Variants in PDSS2 observed in about 807,000 individuals in gnomAD.
PDSS2 encodes all trans-polyprenyl-diphosphate synthase PDSS2.
PDSS2 carries 31 observed loss-of-function variants against 44.5 expected under a neutral mutation model. The ratio of observed to expected loss-of-function variants is 0.70; its 90% CI spans 0.52 to 0.94. PDSS2 has a LOEUF of 0.94. Among genes scored for constraint, PDSS2 ranks in the 40% least tolerant of loss-of-function variants. The pLI, the probability that PDSS2 is intolerant of heterozygous loss-of-function variation, is 0.00. For synonymous variants in PDSS2, 157 were observed against 180.3 expected (o/e 0.87, Z 1.03); for missense variants, 452 against 482.2 (o/e 0.94, Z 0.59).
At chr6:107,437,002 T>C (rs1349060469) in intron 1 of PDSS2, among the ~76,000 whole-genome samples, 1 of 152,108 alleles carries the variant, frequency 6.6e-6, no homozygotes, top group Non-Finnish European at 1.5e-5. Context: ...TGGGTTTTTT[T>C]TTTCTTTCTT....
chr6:107,215,736 A>C, intron 4 of PDSS2, among the ~76,000 whole-genome samples: 1 of 152,346 alleles, frequency 6.6e-6, no homozygotes. Flanking sequence ...TTTATTATTA[A>C]CATAATAAAT....
intron 2 of PDSS2, among the ~76,000 whole-genome samples, chr6:107,325,510 A>C (rs1338617003): frequency 2.0e-5 from 3 of 152,222 alleles, no homozygotes; most frequent in Non-Finnish European, 4.4e-5. Context: ...AATTTTAAAA[A>C]GCTAATCTAA....
At chr6:107,220,552 G>T (rs973796634) in intron 4 of PDSS2, among the ~76,000 whole-genome samples, 2 of 150,736 alleles carry the variant, frequency 1.3e-5, no homozygotes, top group Admixed American at 6.7e-5. Flanking sequence ...AGAATGTATA[G>T]ATAATTCTAT....
chr6:107,391,244 T>C (rs1478525833), intron 1 of PDSS2, among the ~76,000 whole-genome samples: 1 of 152,090 alleles, frequency 6.6e-6, no homozygotes, highest in Non-Finnish European at 1.5e-5. Context: ...CAACACTGTA[T>C]CTACAGCTCA....
chr6:107,221,168 C>A (rs2114679407), intron 4 of PDSS2, among the ~76,000 whole-genome samples: 1 of 152,036 alleles, frequency 6.6e-6, no homozygotes, highest in Non-Finnish European at 1.5e-5. Flanking sequence ...CGGTGAAACC[C>A]CGTCTCTACC....
At chr6:107,199,292 T>C (rs1170031391) in intron 6 of PDSS2, among the ~76,000 whole-genome samples, 1 of 152,200 alleles carries the variant, frequency 6.6e-6, no homozygotes, top group Non-Finnish European at 1.5e-5. Context: ...GTATTGTGAT[T>C]GACTGACTGT....
chr6:107,345,797 C>T (rs888021837), intron 1 of PDSS2, among the ~76,000 whole-genome samples: 4 of 152,066 alleles, frequency 2.6e-5, no homozygotes, highest in Non-Finnish European at 4.4e-5. Context: ...AGGAAAATCT[C>T]GTTTATTTTT....
intron 2 of PDSS2, among the ~76,000 whole-genome samples, chr6:107,286,345 TA>T (rs544836685): frequency 3.3e-5 from 5 of 149,432 alleles, no homozygotes; most frequent in Admixed American, 1.3e-4. Context: ...CCACCTCTAC[TA>T]AAAAAATACA....
intron 2 of PDSS2, among the ~76,000 whole-genome samples, chr6:107,331,123 A>G (rs1582950502): frequency 6.6e-6 from 1 of 152,200 alleles, no homozygotes; most frequent in East Asian, 1.9e-4. Flanking sequence ...ACTTCCCTCA[A>G]ATGTTAAATA....
rs560809100 is a variant in PDSS2, at chr6:107,344,652, G to A, written c.297-10320C>T. ...GCCTGGAAGGAAAGGAAGGAAGAGAGAAGAGAAAGTAGAATGGGGGTAGGG... is the reference window on the plus strand; with the variant it reads ...GCCTGGAAGGAAAGGAAGGAAGAGAAAAGAGAAAGTAGAATGGGGGTAGGG... On this transcript the variant is annotated intron_variant, in intron 1 of 7. Transcript: ENST00000369037. Among the ~76,000 whole-genome samples, 7 of 152,304 alleles carry A rather than the reference G, an allele frequency of 4.6e-5. No homozygotes were observed. In the East Asian group the frequency reaches 1.4e-3, roughly 29 times the overall value.
At chr6:107,367,113 T>TA (rs1202274286) in intron 1 of PDSS2, among the ~76,000 whole-genome samples, 1 of 152,012 alleles carries the variant, frequency 6.6e-6, no homozygotes, top group Admixed American at 6.5e-5. Context: ...TCTAGCAATA[T>TA]AAAAAGAGGC....
chr6:107,431,468 T>C (rs1562535562), intron 1 of PDSS2, among the ~76,000 whole-genome samples: 1 of 152,192 alleles, frequency 6.6e-6, no homozygotes, highest in African/African-American at 2.4e-5. Context: ...CAGGCTGATC[T>C]TGAACTCTGG....
chr6:107,441,404 C>T (rs1159212908), intron 1 of PDSS2, among the ~76,000 whole-genome samples: 1 of 152,214 alleles, frequency 6.6e-6, no homozygotes, highest in African/African-American at 2.4e-5. Flanking sequence ...GAAAGGCTGC[C>T]GCCAGTCTCT....
chr6:107,325,524 T>C (rs1777517546), intron 2 of PDSS2, among the ~76,000 whole-genome samples: 4 of 152,228 alleles, frequency 2.6e-5, no homozygotes, highest in African/African-American at 9.6e-5. Flanking sequence ...AATCTAAAGA[T>C]AGCATTTTAC....
At chr6:107,181,806 C>A (rs1771994804) in intron 7 of PDSS2, among the ~76,000 whole-genome samples, 1 of 150,746 alleles carries the variant, frequency 6.6e-6, no homozygotes, top group Non-Finnish European at 1.5e-5. Context: ...AGGAGAATCG[C>A]TTGAACCCAG....
Position 107,176,269 on chromosome 6 carries a change from C to T in PDSS2, c.1041+17553G>A, listed in dbSNP as rs151135435. 3.5e-3 allele frequency among the ~76,000 whole-genome samples: 526 copies of T among 151,992 alleles called. 2 individuals carry two copies. Among genetic ancestry groups the T allele is most frequent in the Non-Finnish European group, 5.8e-3 (393 of 67,990 alleles). On this transcript the variant is annotated intron_variant, in intron 7 of 7. Coordinates refer to ENST00000369037, the MANE Select transcript of PDSS2 (RefSeq NM_020381.4). ...GTTGGCCAGGCTGATCTCAAACTCC[C>T]GACCTCAGGTGATCTGCCGGCCTCA...
chr6:107,214,156 T>C (rs1582796490), intron 4 of PDSS2, among the ~76,000 whole-genome samples: 1 of 151,240 alleles, frequency 6.6e-6, no homozygotes, highest in Admixed American at 6.6e-5. Context: ...CAGGCTGGAG[T>C]GCAGTGGCGC....
At chr6:107,341,096 A>T (rs1187095970) in intron 1 of PDSS2, among the ~76,000 whole-genome samples, 2 of 152,166 alleles carry the variant, frequency 1.3e-5, no homozygotes, top group Admixed American at 1.3e-4. Context: ...TACGGTGGAA[A>T]GGAGAAGGAA....
intron 1 of PDSS2, among the ~76,000 whole-genome samples, chr6:107,367,074 A>C (rs2114344178): frequency 6.6e-6 from 1 of 152,294 alleles, no homozygotes; most frequent in East Asian, 1.9e-4. Flanking sequence ...CAGACACAAA[A>C]GTGCTCAACA....
Sources: allele counts gnomAD v4.1 joint callset (sites outside exome capture counted in the v4.1 genomes callset), GRCh38; gene constraint gnomAD v4.1.1; transcripts MANE v1.5; gene names NCBI Gene and HGNC (gene_info 2026-07-23, HGNC 2026-07-21).